The following SPTY2D1 variants were observed in gnomAD, a reference collection of about 807,000 sequenced individuals.
SPTY2D1 encodes the protein SPT2 chromatin protein domain containing 1, also known as protein SPT2 homolog.
SPTY2D1 carries 21 observed loss-of-function variants against 64.0 expected under a neutral mutation model. The ratio of observed to expected loss-of-function variants is 0.33; its 90% confidence interval spans 0.23 to 0.47. The LOEUF (loss-of-function observed/expected upper bound fraction) is 0.47, where lower values mean the gene tolerates loss of function less well. SPTY2D1 is among the 20% of genes least tolerant of loss of function. The probability of loss-of-function intolerance (pLI) is 1.00; values close to 1 mark genes in which losing one functional copy is unlikely to be tolerated. For missense variants in SPTY2D1, 724 were observed against 837.2 expected (o/e 0.86, Z 1.67); for synonymous variants, 287 against 286.8 (o/e 1.00, Z -0.01).
chr11:18,614,921 A>G lies in SPTY2D1; in HGVS notation c.1353T>C (p.Gly451=). ...CCAAGGGTCTTGCAGAACTAACTGA[A>G]CCACTGATGGGTCGCCCAGGGCCAC... ...SSGGPGRPIS[G]SVSSARPLGS... Residue 451 remains glycine (G), a synonymous_variant, in exon 3 of 6, where the codon GGT becomes GGC. Transcript: ENST00000336349. The G allele has an allele frequency of 1.9e-6, 3 of 1,613,134 alleles. No individual in the cohort carries two copies. Among genetic ancestry groups the G allele is most frequent in the Non-Finnish European group, 2.5e-6 (3 of 1,179,210 alleles).
intron 1 of SPTY2D1, among the ~76,000 whole-genome samples, chr11:18,617,955 A>ATAAGTAAG (rs374251066): frequency 3.3e-5 from 5 of 152,092 alleles, no homozygotes; most frequent in African/African-American, 4.8e-5. Flanking sequence ...CCATCAATCT[A>ATAAGTAAG]TAAGTAAGTA....
At position 18,614,685 on chromosome 11, in the gene SPTY2D1, G is replaced by A. The variant is rs1484590285; in HGVS notation, c.1589C>T (p.Thr530Ile). Residue 530 changes from threonine (T) to isoleucine (I), a missense_variant, in exon 3 of 6, where the codon ACT (threonine) becomes ATT (isoleucine). Physicochemically the swap from Thr to Ile is moderately conservative, Grantham distance 89. Around this residue, in one of 3 missense-constraint regions of SPTY2D1, gnomAD observed 426 missense variants for 431.8 expected, o/e 0.99. Coordinates refer to ENST00000336349, the MANE Select transcript of SPTY2D1 (RefSeq NM_194285.3). Reference sequence around the variant, plus strand: ...GACAACAGTGCACTTAGGCTTTATAGTGGGACCTGAGCTACTAACTGTTTG... The same window carrying A: ...GACAACAGTGCACTTAGGCTTTATAATGGGACCTGAGCTACTAACTGTTTG... Reference protein sequence around the residue: ...PGQTVSSSGPTIKPKCTVVSE... With the variant: ...PGQTVSSSGPIIKPKCTVVSE... The A allele has an allele frequency of 6.2e-7, 1 of 1,614,132 alleles. No individual in the cohort carries two copies. The highest frequency in any genetic ancestry group is 1.3e-5 in the African/African-American group (1 of 74,948).
At chr11:18,630,809 TTTTTA>T (rs1184756802) in intron 1 of SPTY2D1, among the ~76,000 whole-genome samples, 7 of 152,094 alleles carry the variant, frequency 4.6e-5, no homozygotes, top group South Asian at 2.1e-4. Context: ...TAGCTGTCTT[TTTTTA>T]TTTTATTTTA....
chr11:18,626,010 AG>A (rs1461403974), intron 1 of SPTY2D1, among the ~76,000 whole-genome samples: 2 of 151,934 alleles, frequency 1.3e-5, no homozygotes, highest in African/African-American at 4.8e-5. Flanking sequence ...TAGTAGAGAC[AG>A]GTTTCACCAC....
At chr11:18,610,262 C>A in intron 5 of SPTY2D1, 1 of 251,932 alleles carries the variant, frequency 4.0e-6, no homozygotes, top group Non-Finnish European at 7.6e-6. Context: ...CATTAACTAA[C>A]ATTCTATTCT....
rs988908631 is a variant in SPTY2D1, at chr11:18,606,713, A to G, written c.*3148T>C. The G allele has an allele frequency of 7.7e-5, 31 of 404,976 alleles. No individual in the cohort carries two copies. Among genetic ancestry groups the G allele is most frequent in the African/African-American group, 5.6e-4 (26 of 46,126 alleles). The allele number at this position is 404,976 out of a possible 1,614,324, so 25.1% of individuals were successfully genotyped here. A position where few individuals can be genotyped will look rare whatever the true frequency, so the allele number is the denominator to read the frequency against. Reference sequence around the variant, plus strand: ...AATAAAACAACCAGTCTCTCTTCATATATTTATTCTCTTTCCAAACATGTT... The same window carrying G: ...AATAAAACAACCAGTCTCTCTTCATGTATTTATTCTCTTTCCAAACATGTT... On this transcript the variant is annotated 3_prime_UTR_variant, in exon 6 of 6. Transcript: ENST00000336349.
At chr11:18,613,431 T>C (rs1437458034) in intron 3 of SPTY2D1, among the ~76,000 whole-genome samples, 3 of 152,240 alleles carry the variant, frequency 2.0e-5, no homozygotes, top group Non-Finnish European at 2.9e-5. Context: ...CTTGTCTCCC[T>C]AGCTTAGTTT....
intron 1 of SPTY2D1, among the ~76,000 whole-genome samples, chr11:18,623,454 G>C (rs1854448714): frequency 7.6e-6 from 1 of 131,024 alleles, no homozygotes; most frequent in Non-Finnish European, 1.8e-5. Context: ...ATGTAGCTAT[G>C]ATGGTTAATT....
In SPTY2D1 at chr11:18,614,594, C is replaced by G. The variant is rs1854258250; in HGVS notation, c.1680G>C (p.Lys560Asn). Reference sequence around the variant, plus strand: ...CAGCTCTGTAGCCAGATAGGGGAGGCTTCATTCCATTCATCTGTCCATTGC... The same window carrying G: ...CAGCTCTGTAGCCAGATAGGGGAGGGTTCATTCCATTCATCTGTCCATTGC... ...RSSNGQMNGM[K>N]PPLSGYRAAQ... Residue 560 changes from lysine to asparagine, a missense_variant, in exon 3 of 6, where the codon AAG becomes AAC. By Grantham distance (94) the Lys-to-Asn change is moderately conservative. Transcript: ENST00000336349. 6.2e-7 allele frequency: 1 copy of G among 1,612,814 alleles called. No homozygotes were observed. The highest frequency in any genetic ancestry group is 1.3e-5 in the African/African-American group (1 of 74,936).
In SPTY2D1 at chr11:18,612,421, A is replaced by G. The variant is rs1303692529; in HGVS notation, c.1779T>C (p.Asp593=). The part of the protein sequence containing the change: ...RQREYEEEDD[D]DDEYDSEMED... ...CCATTTCAGAGTCGTATTCATCATC[A>G]TCGTCATCTTCCTCTTCATATTCTC... Residue 593 remains aspartate (D), a synonymous_variant, in exon 4 of 6, where the codon GAT becomes GAC. Coordinates refer to ENST00000336349, the MANE Select transcript of SPTY2D1 (RefSeq NM_194285.3). The surrounding 1 kb of genome is among the most constrained non-coding windows in gnomAD (Gnocchi z 4.6). 1.2e-6 allele frequency: 2 copies of G among 1,606,860 alleles called. No individual in the cohort carries two copies. The highest frequency in any genetic ancestry group is 3.3e-5 in the Admixed American group (2 of 59,728).
At chr11:18,622,104 A>AAAAAAAAAAAAAAT (rs1854419447) in intron 1 of SPTY2D1, among the ~76,000 whole-genome samples, 1 of 141,334 alleles carries the variant, frequency 7.1e-6, no homozygotes. Flanking sequence ...AAAAAAAAAA[A>AAAAAAAAAAAAAAT]CCAAAACCAA....
At chr11:18,610,678 A>C (rs1044606323) in intron 5 of SPTY2D1, among the ~76,000 whole-genome samples, 4 of 150,716 alleles carry the variant, frequency 2.7e-5, no homozygotes, top group Non-Finnish European at 5.9e-5. Flanking sequence ...AAAAAAAAAA[A>C]AAAAAAAAAA....
chr11:18,614,847 C>G lies in SPTY2D1; in HGVS notation c.1427G>C (p.Arg476Pro). The G allele has an allele frequency of 1.2e-6, 2 of 1,613,664 alleles. No homozygotes were observed. Residue 476 changes from arginine to proline, a missense_variant, in exon 3 of 6, where the codon CGA becomes CCA. Arg to Pro is a moderately radical substitution (Grantham distance 103). This residue lies in a region of SPTY2D1 where 426 missense variants were observed against 431.8 expected (regional missense o/e 0.99). Transcript: ENST00000336349. ...GRPVSSPHEL[R>P]RPVSGLGPPG... The stretch of plus-strand genomic sequence containing the variant: ...GGGGCCCAAGCCACTCACTGGTCGT[C>G]GAAGTTCATGTGGACTGCTCACAGG...
At position 18,608,685 on chromosome 11, in the gene SPTY2D1, G is replaced by A. The variant is rs117049505; in HGVS notation, c.*1176C>T. ...GAACTGCTTGGACTTGAAGGTTAAG[G>A]GCTATTAAGTCCATATTTATGACTT... On this transcript the variant is annotated 3_prime_UTR_variant, in exon 6 of 6. Transcript: ENST00000336349. 5.9e-3 allele frequency: 898 copies of A among 152,360 alleles called. 6 individuals are homozygous for A. The highest frequency in any genetic ancestry group is 0.019 in the South Asian group (91 of 4,818). 9.4% of individuals were successfully genotyped at this position (152,360 alleles called of 1,614,324 possible). A position where few individuals can be genotyped will look rare whatever the true frequency, so the allele number is the denominator to read the frequency against.
rs373728561 is a variant in SPTY2D1 at position 18,612,618 on chromosome 11, C to T, written c.1712-130G>A. ...CCAGAGCAAGCAGGCTGGCCCTTAGCGCAGAGCCATCATCCTTGCTGTGTC... is the reference window on the plus strand; with the variant it reads ...CCAGAGCAAGCAGGCTGGCCCTTAGTGCAGAGCCATCATCCTTGCTGTGTC... On this transcript the variant is annotated intron_variant, in intron 3 of 5. Coordinates refer to ENST00000336349, the MANE Select transcript of SPTY2D1 (RefSeq NM_194285.3). This position sits in a 1 kb window ranked among gnomAD's most constrained non-coding sequence, Gnocchi z 4.6. 3.7e-5 allele frequency: 26 copies of T among 695,202 alleles called. No individual in the cohort carries two copies. Among genetic ancestry groups the T allele is most frequent in the East Asian group, 1.8e-4 (6 of 33,076 alleles). The allele number at this position is 695,202 out of a possible 1,614,324, so 43.1% of individuals were successfully genotyped here. A position where few individuals can be genotyped will look rare whatever the true frequency, so the allele number is the denominator to read the frequency against.
intron 3 of SPTY2D1, among the ~76,000 whole-genome samples, 200 bp downstream of exon 3, chr11:18,614,363 A>C (rs1320386345): frequency 6.6e-6 from 1 of 152,206 alleles, no homozygotes; most frequent in Non-Finnish European, 1.5e-5. Context: ...GTGCCTGGGC[A>C]ACAGAGCAAG....
intron 1 of SPTY2D1, among the ~76,000 whole-genome samples, chr11:18,622,419 T>C (rs1854426521): frequency 6.6e-6 from 1 of 151,764 alleles, no homozygotes; most frequent in Non-Finnish European, 1.5e-5. Context: ...TAGTCCCAGC[T>C]ACACAGCTGA....
At chr11:18,621,102 G>A (rs964845096) in intron 1 of SPTY2D1, among the ~76,000 whole-genome samples, 10 of 150,776 alleles carry the variant, frequency 6.6e-5, no homozygotes, top group Non-Finnish European at 1.0e-4. Flanking sequence ...TCAGGAGTTC[G>A]AGACCAGCCT....
intron 1 of SPTY2D1, among the ~76,000 whole-genome samples, chr11:18,630,389 C>T (rs541478484): frequency 1.3e-5 from 2 of 151,820 alleles, no homozygotes; most frequent in East Asian, 1.9e-4. Context: ...GCAGGAGAAT[C>T]GCTTGAACCC....
Sources: allele counts gnomAD v4.1 joint callset (sites outside exome capture counted in the v4.1 genomes callset), GRCh38; gene constraint gnomAD v4.1.1; regional missense constraint gnomAD v4.1.1; non-coding constraint Gnocchi (gnomAD v3.1); transcripts MANE v1.5; gene names NCBI Gene and HGNC (gene_info 2026-07-23, HGNC 2026-07-21).